Variants in PBX1 observed in about 807,000 individuals in gnomAD.
PBX1 encodes pre-B-cell leukemia transcription factor 1.
PBX1 carries 6 observed loss-of-function variants against 53.4 expected under a neutral mutation model. The observed-to-expected ratio is 0.11, with a 90% CI of 0.06 to 0.22. The LOEUF is 0.22. PBX1 is among the 10% of genes least tolerant of loss of function. The pLI, the probability that PBX1 is intolerant of heterozygous loss-of-function variation, is 1.00. For missense variants in PBX1, 251 were observed against 551.4 expected, an observed-to-expected ratio of 0.46 and a Z score of 5.46; for synonymous variants, 204 against 212.3, an observed-to-expected ratio of 0.96 and a Z score of 0.34.
At chr1:164,731,189 C>G (rs555946815) in intron 2 of PBX1, among the ~76,000 whole-genome samples, 1 of 152,238 alleles carries the variant, frequency 6.6e-6, no homozygotes, top group South Asian at 2.1e-4. Flanking sequence ...CTAGGGACTT[C>G]TCCATAAGAG....
intron 2 of PBX1, among the ~76,000 whole-genome samples, chr1:164,609,787 A>G (rs1656788415): frequency 2.0e-5 from 3 of 152,142 alleles, no homozygotes; most frequent in South Asian, 2.1e-4. Context: ...TATTCCCAGC[A>G]CCTAAGCCAG....
chr1:164,559,729 A>G lies in PBX1; in HGVS notation c.-94A>G. ...CCTGTTTATCCTGAAAAGGATTTGAAGACAAGCTTGAAGGATAAAAAGCCT... is the reference window on the plus strand; with the variant it reads ...CCTGTTTATCCTGAAAAGGATTTGAGGACAAGCTTGAAGGATAAAAAGCCT... On this transcript the variant is annotated 5_prime_UTR_variant, in exon 1 of 9. Coordinates refer to ENST00000420696, the MANE Select transcript of PBX1 (RefSeq NM_002585.4). 2 of 887,058 alleles carry G rather than the reference A, an allele frequency of 2.3e-6. No homozygotes were observed. Among genetic ancestry groups the G allele is most frequent in the Non-Finnish European group, 1.6e-6 (1 of 613,842 alleles). The allele number at this position is 887,058 out of a possible 1,614,324, so 54.9% of individuals were successfully genotyped here. A position where few individuals can be genotyped will look rare whatever the true frequency, so the allele number is the denominator to read the frequency against.
intron 2 of PBX1, among the ~76,000 whole-genome samples, chr1:164,648,894 A>G (rs2101916593): frequency 6.6e-6 from 1 of 152,346 alleles, no homozygotes; most frequent in African/African-American, 2.4e-5. Context: ...GGGCTAAAAG[A>G]AAGAAAATTG....
chr1:164,697,320 C>G (rs1662853521), intron 2 of PBX1, among the ~76,000 whole-genome samples: 2 of 152,310 alleles, frequency 1.3e-5, no homozygotes, highest in South Asian at 4.1e-4. Flanking sequence ...GAAAGCACGG[C>G]AGCTTCCCAA....
At chr1:164,645,312 A>G (rs1659389195) in intron 2 of PBX1, among the ~76,000 whole-genome samples, 1 of 152,158 alleles carries the variant, frequency 6.6e-6, no homozygotes, top group Non-Finnish European at 1.5e-5. Flanking sequence ...TTTGGCCCCT[A>G]TCTGTCCCAT....
chr1:164,763,592 C>T (rs1666917032), intron 2 of PBX1, among the ~76,000 whole-genome samples: 1 of 152,152 alleles, frequency 6.6e-6, no homozygotes. Flanking sequence ...TTTTCCCTAA[C>T]CAAGAAAGAT....
At chr1:164,622,586 A>G (rs1657754723) in intron 2 of PBX1, among the ~76,000 whole-genome samples, 1 of 151,466 alleles carries the variant, frequency 6.6e-6, no homozygotes, top group African/African-American at 2.4e-5. Flanking sequence ...ATCTCCCCCA[A>G]CTCCTTTGAA....
chr1:164,744,535 G>C (rs1353473474), intron 2 of PBX1, among the ~76,000 whole-genome samples: 1 of 152,142 alleles, frequency 6.6e-6, no homozygotes, highest in South Asian at 2.1e-4. Context: ...GATCCTCTCA[G>C]AACTCTTTAA....
At chr1:164,779,702 C>T (rs951928603) in intron 2 of PBX1, among the ~76,000 whole-genome samples, 1 of 152,150 alleles carries the variant, frequency 6.6e-6, no homozygotes, top group African/African-American at 2.4e-5. Context: ...GCATGCTGGC[C>T]CCAGTGTCCT....
intron 1 of PBX1, among the ~76,000 whole-genome samples, chr1:164,561,399 G>T (rs746295899): frequency 6.6e-6 from 1 of 152,186 alleles, no homozygotes. Flanking sequence ...ACTTGGAAAT[G>T]TTGAAAGACT....
chr1:164,805,117 G>A (rs777516418), intron 4 of PBX1, among the ~76,000 whole-genome samples: 5 of 152,020 alleles, frequency 3.3e-5, no homozygotes, highest in Admixed American at 1.3e-4. Context: ...AAAATATTCT[G>A]TCCCTAAAAC....
chr1:164,667,387 G>A (rs1200729139), intron 2 of PBX1, among the ~76,000 whole-genome samples: 3 of 146,806 alleles, frequency 2.0e-5, no homozygotes, highest in Non-Finnish European at 4.5e-5. Context: ...TATATAACAT[G>A]TATTTTATAT....
chr1:164,852,985 A>C (rs1404440691), downstream of PBX1, among the ~76,000 whole-genome samples: 1 of 152,234 alleles, frequency 6.6e-6, no homozygotes, highest in African/African-American at 2.4e-5. Flanking sequence ...GAGTGGTACT[A>C]AATAGATGTA....
At chr1:164,852,768 G>A (rs1671887698), downstream of PBX1, among the ~76,000 whole-genome samples, 1 of 152,180 alleles carries the variant, frequency 6.6e-6, no homozygotes, top group African/African-American at 2.4e-5. Context: ...TAATGGACAA[G>A]CTAAGTGCCC....
At chr1:164,643,703 A>G (rs1659286673) in intron 2 of PBX1, among the ~76,000 whole-genome samples, 1 of 152,212 alleles carries the variant, frequency 6.6e-6, no homozygotes, top group Admixed American at 6.5e-5. Context: ...TATATGAATT[A>G]ATCTAATCAG....
At chr1:164,595,616 C>T (rs1383416118) in intron 2 of PBX1, among the ~76,000 whole-genome samples, 1 of 151,880 alleles carries the variant, frequency 6.6e-6, no homozygotes, top group African/African-American at 2.4e-5. Context: ...AGGTGATTGC[C>T]AAACTGATAT....
intron 4 of PBX1, among the ~76,000 whole-genome samples, chr1:164,800,768 TTCA>T (rs1469276980): frequency 6.6e-6 from 1 of 152,220 alleles, no homozygotes; most frequent in Admixed American, 6.5e-5. Context: ...TTGTCTTAAA[TTCA>T]TCATCTGTGA....
intron 6 of PBX1, chr1:164,815,554 A>C (rs1212977373): frequency 6.6e-6 from 1 of 152,258 alleles, no homozygotes; most frequent in African/African-American, 2.4e-5. Flanking sequence ...TAAAGGAAAG[A>C]GGCTTAATTG....
chr1:164,652,811 C>A (rs1301045044), intron 2 of PBX1, among the ~76,000 whole-genome samples: 2 of 152,048 alleles, frequency 1.3e-5, no homozygotes, highest in Non-Finnish European at 2.9e-5. Context: ...TTTCTTTCAG[C>A]CCCTTTTACT....
Sources: gnomAD v4.1 joint callset for allele counts (sites outside exome capture counted in the v4.1 genomes callset) on GRCh38, gnomAD v4.1.1 for gene constraint, MANE v1.5 for transcripts, NCBI Gene and HGNC (gene_info 2026-07-23, HGNC 2026-07-21) for gene names.